The following CLINT1 variants were observed in gnomAD, a reference collection of about 807,000 sequenced individuals.
The protein encoded by CLINT1 is clathrin interactor 1.
In CLINT1, 15 loss-of-function variants were observed where a neutral mutation model predicts 70.4. The observed-to-expected ratio is 0.21, with a 90% CI of 0.14 to 0.33. The LOEUF is 0.33. Among genes scored for constraint, CLINT1 ranks in the 10% least tolerant of loss-of-function variants. The pLI, the probability that CLINT1 is intolerant of heterozygous loss-of-function variation, is 1.00. For synonymous variants in CLINT1, 227 were observed against 254.7 expected, an observed-to-expected ratio of 0.89 and a Z score of 1.04; for missense variants, 615 against 778.1, an observed-to-expected ratio of 0.79 and a Z score of 2.49.
chr5:157,821,980 CACTG>C (rs2113232586), intron 1 of CLINT1, among the ~76,000 whole-genome samples: 1 of 152,342 alleles, frequency 6.6e-6, no homozygotes, highest in Admixed American at 6.5e-5. Context: ...AACTCAGCAA[CACTG>C]ACTCACTAGA....
intron 1 of CLINT1, among the ~76,000 whole-genome samples, chr5:157,836,175 T>C (rs1056603329): frequency 1.3e-5 from 2 of 152,226 alleles, no homozygotes; most frequent in African/African-American, 2.4e-5. Flanking sequence ...TGTTTGGTTA[T>C]TGGTTTTTAA....
chr5:157,813,021 G>C (rs755099575), intron 5 of CLINT1, 42 bp downstream of exon 5: 2 of 1,579,602 alleles, frequency 1.3e-6, no homozygotes, highest in Non-Finnish European at 1.7e-6. Flanking sequence ...TACTCAAGAA[G>C]CTAAGCTGAT....
At chr5:157,818,467 TAAAAAAAAAAA>T (rs929415179) in intron 1 of CLINT1, among the ~76,000 whole-genome samples, 7 of 88,334 alleles carry the variant, frequency 7.9e-5, no homozygotes, top group African/African-American at 3.0e-4. Context: ...ACCTGGTCTC[TAAAAAAAAAAA>T]AAAAAAAAAA....
At chr5:157,830,201 GC>G (rs1157555401) in intron 1 of CLINT1, among the ~76,000 whole-genome samples, 1 of 152,012 alleles carries the variant, frequency 6.6e-6, no homozygotes, top group Non-Finnish European at 1.5e-5. Flanking sequence ...ACCCACCTCT[GC>G]CTTCCAAAGT....
At chr5:157,835,958 T>A (rs1298922164) in intron 1 of CLINT1, among the ~76,000 whole-genome samples, 2 of 152,194 alleles carry the variant, frequency 1.3e-5, no homozygotes, top group Non-Finnish European at 2.9e-5. Flanking sequence ...AACTATGGAT[T>A]TGGGAGCCAT....
chr5:157,799,849 ACAT>A (rs200313477), intron 8 of CLINT1, among the ~76,000 whole-genome samples: 1 of 152,136 alleles, frequency 6.6e-6, no homozygotes, highest in East Asian at 1.9e-4. Flanking sequence ...TCAAATCTGT[ACAT>A]CATGTCACTA....
chr5:157,852,489 A>G (rs909371456), intron 1 of CLINT1, among the ~76,000 whole-genome samples: 12 of 152,278 alleles, frequency 7.9e-5, no homozygotes, highest in African/African-American at 2.6e-4. Flanking sequence ...TGATATCTCT[A>G]TTTTCACAAA....
rs1761921535 is a variant in CLINT1, at chr5:157,791,860, T to A, written c.1223A>T (p.Gln408Leu). 6.2e-7 allele frequency: 1 copy of A among 1,613,936 alleles called. No individual in the cohort carries two copies. The highest frequency in any genetic ancestry group is 2.2e-5 in the East Asian group (1 of 44,874). ...QPAVELVSGS[Q>L]SALGPPPAAS... The stretch of plus-strand genomic sequence containing the variant: ...AGCAGGAGGTGGGCCTAGAGCTGAT[T>A]GTGAGCCACTAACAAGTTCTACCGC... The change falls in exon 10 of 12, where the codon CAA (glutamine) becomes CTA (leucine). Residue 408 changes from glutamine (Q) to leucine (L), a missense_variant. Coordinates refer to ENST00000411809, the MANE Select transcript of CLINT1 (RefSeq NM_014666.4).
chr5:157,848,744 C>T (rs1753468394), intron 1 of CLINT1, among the ~76,000 whole-genome samples: 1 of 152,198 alleles, frequency 6.6e-6, no homozygotes, highest in Non-Finnish European at 1.5e-5. Flanking sequence ...TCACCGCAAC[C>T]TCTGCCTCTG....
intron 1 of CLINT1, among the ~76,000 whole-genome samples, chr5:157,830,652 G>A (rs1189994478): frequency 3.3e-5 from 5 of 151,628 alleles, no homozygotes; most frequent in African/African-American, 1.2e-4. Context: ...AAGGTGGGGC[G>A]ACTGCTTGAG....
intron 1 of CLINT1, among the ~76,000 whole-genome samples, chr5:157,827,987 C>T (rs150465879): frequency 1.3e-5 from 2 of 152,288 alleles, no homozygotes; most frequent in East Asian, 3.9e-4. Flanking sequence ...GATCCCTGGA[C>T]ACATCAACCA....
rs892788737 is a variant in CLINT1, at chr5:157,786,683, T to C, written c.*963A>G. On this transcript the variant is annotated 3_prime_UTR_variant, in exon 12 of 12. Coordinates refer to ENST00000411809, the MANE Select transcript of CLINT1 (RefSeq NM_014666.4). ...CTCAAAACCAAAACAAAACAAATACTGTATAAAATCTAAAAGCAAACATTG... is the reference window on the plus strand; with the variant it reads ...CTCAAAACCAAAACAAAACAAATACCGTATAAAATCTAAAAGCAAACATTG... The C allele has an allele frequency of 6.6e-6, 1 of 152,568 alleles. No homozygotes were observed. Among genetic ancestry groups the C allele is most frequent in the African/African-American group, 2.4e-5 (1 of 41,436 alleles). The allele number at this position is 152,568 out of a possible 1,614,324, so 9.5% of individuals were successfully genotyped here. A position where few individuals can be genotyped will look rare whatever the true frequency, so the allele number is the denominator to read the frequency against.
At chr5:157,818,259 T>C (rs1029951577) in intron 1 of CLINT1, among the ~76,000 whole-genome samples, 1 of 152,146 alleles carries the variant, frequency 6.6e-6, no homozygotes, top group Non-Finnish European at 1.5e-5. Context: ...TCACTTACTA[T>C]GTGACCTTTG....
chr5:157,791,598 A>T, intron 10 of CLINT1, 105 bp downstream of exon 10: 1 of 1,058,990 alleles, frequency 9.4e-7, no homozygotes, highest in Non-Finnish European at 1.4e-6. Context: ...CATACACATA[A>T]AAAGGACTTG....
intron 1 of CLINT1, 45 bp downstream of exon 1, chr5:157,858,885 C>T (rs770017276): frequency 2.7e-6 from 2 of 727,424 alleles, no homozygotes; most frequent in East Asian, 5.0e-5. Context: ...CCCCCTCCCC[C>T]CTCCCCCACG....
chr5:157,825,227 A>G (rs1763000035), intron 1 of CLINT1, among the ~76,000 whole-genome samples: 1 of 152,188 alleles, frequency 6.6e-6, no homozygotes, highest in Admixed American at 6.5e-5. Flanking sequence ...TGGGATGCAT[A>G]TTATTTATGG....
Position 157,791,935 on chromosome 5 carries a change from G to C in CLINT1, c.1148C>G (p.Ser383Ter). The C allele has an allele frequency of 6.2e-7, 1 of 1,614,014 alleles. No individual in the cohort carries two copies. The highest frequency in any genetic ancestry group is 8.5e-7 in the Non-Finnish European group (1 of 1,179,894). ...CTCGCCACTGGAAGCAACAGGGCCT[G>C]ATGGGGCTTGGTTGAAGGCACTCCA... ...GDWSAFNQAP[S>*]GPVASSGEFF... The change falls in exon 10 of 12, where the codon TCA becomes TGA. Residue 383 changes from serine (S) to a stop codon, truncating the protein, a stop_gained. Coordinates refer to ENST00000411809, the MANE Select transcript of CLINT1 (RefSeq NM_014666.4). LOFTEE classifies it high-confidence loss of function.
At chr5:157,850,034 A>G (rs1264186528) in intron 1 of CLINT1, among the ~76,000 whole-genome samples, 2 of 152,184 alleles carry the variant, frequency 1.3e-5, no homozygotes, top group African/African-American at 2.4e-5. Context: ...AGTGCATACT[A>G]TGTAATACAG....
intron 1 of CLINT1, among the ~76,000 whole-genome samples, chr5:157,832,800 T>C (rs984849282): frequency 7.2e-5 from 11 of 152,260 alleles, no homozygotes; most frequent in Admixed American, 2.0e-4. Flanking sequence ...TACTCCCAGG[T>C]CTTTGCAATT....
Sources: gnomAD v4.1 joint callset for allele counts (sites outside exome capture counted in the v4.1 genomes callset) on GRCh38, gnomAD v4.1.1 for gene constraint, MANE v1.5 for transcripts, NCBI Gene and HGNC (gene_info 2026-07-23, HGNC 2026-07-21) for gene names.